TENM2: variants seen among roughly 807,000 people sequenced by gnomAD.
TENM2 encodes teneurin-2.
A neutral mutation model predicts 245.2 loss-of-function variants in TENM2; 52 were observed. That is an observed-to-expected ratio of 0.21 (90% CI 0.17 to 0.27). The LOEUF (loss-of-function observed/expected upper bound fraction) is 0.27. Among genes scored for constraint, TENM2 ranks in the 10% least tolerant of loss-of-function variants. The probability of loss-of-function intolerance (pLI) is 1.00; values close to 1 mark genes in which losing one functional copy is unlikely to be tolerated. For missense variants in TENM2, 3,046 were observed against 3,666.8 expected (o/e 0.83, Z 4.37); for synonymous variants, 1,363 against 1,438.9 (o/e 0.95, Z 1.19).
intron 5 of TENM2, among the ~76,000 whole-genome samples, chr5:168,033,920 T>G (rs951426681): frequency 1.3e-5 from 2 of 151,680 alleles, no homozygotes; most frequent in Admixed American, 1.3e-4. Flanking sequence ...CCAGCTACTC[T>G]GGAGGCTGAG....
At chr5:168,180,266 G>C (rs1192801504) in intron 13 of TENM2, among the ~76,000 whole-genome samples, 1 of 152,138 alleles carries the variant, frequency 6.6e-6, no homozygotes, top group African/African-American at 2.4e-5. Context: ...GGAGCCAGAA[G>C]GGTCCATGGT....
At chr5:167,566,881 A>G (rs1243202349) in intron 2 of TENM2, among the ~76,000 whole-genome samples, 1 of 152,168 alleles carries the variant, frequency 6.6e-6, no homozygotes, top group Non-Finnish European at 1.5e-5. Flanking sequence ...TTTGGTTTTC[A>G]CTTAAGGGGT....
the TENM2 span, among the ~76,000 whole-genome samples, chr5:167,123,405 T>G: frequency 6.6e-6 from 1 of 152,330 alleles, no homozygotes; most frequent in South Asian, 2.1e-4. Flanking sequence ...TCTTTTTGGT[T>G]TGAGTCTTTT....
the TENM2 span, among the ~76,000 whole-genome samples, chr5:167,042,278 G>A: frequency 9.2e-5 from 14 of 152,048 alleles, no homozygotes; most frequent in African/African-American, 3.1e-4. Flanking sequence ...TGCTCACCAC[G>A]TTATTTAAGC....
At position 167,776,616 on chromosome 5, in the gene TENM2, A is replaced by AAAAAAAC. The variant is rs1561769416; in HGVS notation, c.503-99364_503-99363insCAAAAAA. ...CTGAAAAAAAAAAAAAAAAAAAAAA[A>AAAAAAAC]AAAAAAAAAACCATATATATGTATC... On this transcript the variant is annotated intron_variant, in intron 2 of 28. Coordinates refer to ENST00000518659, the Ensembl canonical transcript of TENM2. 1.3e-3 allele frequency among the ~76,000 whole-genome samples: 125 copies of AAAAAAAC among 98,892 alleles called. 3 individuals are homozygous for AAAAAAAC. The highest frequency in any genetic ancestry group is 5.5e-3 in the African/African-American group (123 of 22,488). 64.9% of individuals were successfully genotyped at this position (98,892 alleles called of 152,430 possible).
the TENM2 span, among the ~76,000 whole-genome samples, chr5:167,215,641 A>C: frequency 9.9e-5 from 15 of 152,178 alleles, no homozygotes; most frequent in Non-Finnish European, 5.9e-5. Flanking sequence ...TAGGGGATGT[A>C]GTCCAATGTC....
At chr5:167,744,934 A>G (rs1193822402) in intron 2 of TENM2, among the ~76,000 whole-genome samples, 1 of 152,156 alleles carries the variant, frequency 6.6e-6, no homozygotes, top group Non-Finnish European at 1.5e-5. Flanking sequence ...GGGAACTTGT[A>G]TGTTTGTGAC....
rs193292140 is a variant in TENM2, at chr5:167,372,969, A to C, written c.227-2229A>C. Among the ~76,000 whole-genome samples, 23 of 152,352 alleles carry C rather than the reference A, an allele frequency of 1.5e-4. No homozygotes were observed. In the East Asian group the frequency reaches 4.1e-3, roughly 27 times the overall value. On this transcript the variant is annotated intron_variant, in intron 1 of 28. Transcript: ENST00000518659. ...GAATACTCTGGGCAGAGAATTTCAGAGAGCATGATAAACTGTACCCAGGGA... is the reference window on the plus strand; with the variant it reads ...GAATACTCTGGGCAGAGAATTTCAGCGAGCATGATAAACTGTACCCAGGGA...
chr5:168,216,691 G>A (rs538617148), intron 21 of TENM2, 77 bp from the exon 24 acceptor site: 245 of 1,411,932 alleles, frequency 1.7e-4, no homozygotes, highest in Non-Finnish European at 2.3e-4. Flanking sequence ...TGCTCAGCAA[G>A]GCATCTCATC....
chr5:167,438,950 C>T (rs934120183), intron 2 of TENM2, among the ~76,000 whole-genome samples: 20 of 152,140 alleles, frequency 1.3e-4, no homozygotes, highest in African/African-American at 2.2e-4. Context: ...CCCACCACCA[C>T]GCTCGGCTAG....
chr5:167,738,200 A>T (rs1248003283), intron 2 of TENM2, among the ~76,000 whole-genome samples: 1 of 152,174 alleles, frequency 6.6e-6, no homozygotes, highest in East Asian at 1.9e-4. Context: ...ATATCTAGCA[A>T]TGCAGTAGCA....
At chr5:167,535,326 T>C (rs932718611) in intron 2 of TENM2, among the ~76,000 whole-genome samples, 5 of 151,682 alleles carry the variant, frequency 3.3e-5, no homozygotes, top group Non-Finnish European at 5.9e-5. Flanking sequence ...AATGGGACCT[T>C]AGAGACAAGG....
intron 2 of TENM2, among the ~76,000 whole-genome samples, chr5:167,463,492 ATTTAT>A (rs955156441): frequency 3.0e-5 from 4 of 134,828 alleles, no homozygotes; most frequent in African/African-American, 1.1e-4. Context: ...ACTAGAAGAT[ATTTAT>A]TTTATTTTAT....
chr5:167,744,447 A>C (rs1761415970), intron 2 of TENM2, among the ~76,000 whole-genome samples: 2 of 152,190 alleles, frequency 1.3e-5, no homozygotes, highest in Non-Finnish European at 2.9e-5. Flanking sequence ...GACTCTTCAG[A>C]ACTGCAGTGA....
chr5:167,522,223 G>C (rs750043905), intron 2 of TENM2, among the ~76,000 whole-genome samples: 1 of 152,082 alleles, frequency 6.6e-6, no homozygotes, highest in South Asian at 2.1e-4. Context: ...AGTTTGCTTA[G>C]AAAAAGTCCT....
the TENM2 span, among the ~76,000 whole-genome samples, chr5:167,260,360 T>C: frequency 6.6e-6 from 1 of 152,210 alleles, no homozygotes; most frequent in African/African-American, 2.4e-5. Context: ...CAGTTTTAAT[T>C]TGATTTTCAA....
At chr5:167,340,674 T>G (rs1480384238) in intron 1 of TENM2, among the ~76,000 whole-genome samples, 3 of 152,246 alleles carry the variant, frequency 2.0e-5, no homozygotes, top group African/African-American at 7.2e-5. Flanking sequence ...GGGACACCAT[T>G]CAGTCCATGA....
At chr5:167,959,281 G>C (rs10061915) in intron 4 of TENM2, among the ~76,000 whole-genome samples, 1 of 149,252 alleles carries the variant, frequency 6.7e-6, no homozygotes, top group African/African-American at 2.5e-5. Context: ...TGCAAGCTCC[G>C]CCTCCCAGGT....
At chr5:167,342,215 G>A (rs1308243582) in intron 1 of TENM2, among the ~76,000 whole-genome samples, 3 of 151,934 alleles carry the variant, frequency 2.0e-5, no homozygotes, top group Non-Finnish European at 4.4e-5. Flanking sequence ...ACATTACTTA[G>A]CCTTCCTCTG....
Sources: allele counts gnomAD v4.1 joint callset (sites outside exome capture counted in the v4.1 genomes callset), GRCh38; gene constraint gnomAD v4.1.1; transcripts MANE v1.5; gene names NCBI Gene and HGNC (gene_info 2026-07-23, HGNC 2026-07-21).